Variants in ACACA observed in about 807,000 individuals in gnomAD.
ACACA encodes acetyl-CoA carboxylase alpha.
In ACACA, 103 loss-of-function variants were observed where a neutral mutation model predicts 296.1. The observed-to-expected ratio is 0.35, with a 90% CI of 0.30 to 0.41. The LOEUF is 0.41. ACACA is among the 10% of genes least tolerant of loss of function. The pLI, the probability that ACACA is intolerant of heterozygous loss-of-function variation, is 1.00. For missense variants in ACACA, 1,554 were observed against 2,989.7 expected, an observed-to-expected ratio of 0.52 and a Z score of 11.20; for synonymous variants, 953 against 1,038.6, an observed-to-expected ratio of 0.92 and a Z score of 1.58.
chr17:37,151,004 A>G (rs2076016339), intron 44 of ACACA, among the ~76,000 whole-genome samples: 1 of 151,946 alleles, frequency 6.6e-6, no homozygotes, highest in Admixed American at 6.6e-5. Flanking sequence ...GTGAGCTGAG[A>G]TCGTGCCACT....
intron 3 of ACACA, among the ~76,000 whole-genome samples, chr17:37,313,975 T>C (rs1025730063): frequency 2.0e-5 from 3 of 152,070 alleles, no homozygotes; most frequent in African/African-American, 7.2e-5. Context: ...AACAGATGAA[T>C]GGATAAAAAG....
chr17:37,395,147 T>C (rs941769295), intron 1 of ACACA, among the ~76,000 whole-genome samples: 1 of 152,030 alleles, frequency 6.6e-6, no homozygotes, highest in African/African-American at 2.4e-5. Flanking sequence ...TCTGTCTCTT[T>C]GGCTGGGTGC....
intron 3 of ACACA, among the ~76,000 whole-genome samples, chr17:37,321,057 G>C (rs1017543228): frequency 6.6e-6 from 1 of 151,866 alleles, no homozygotes; most frequent in Non-Finnish European, 1.5e-5. Context: ...CAGAGTATCC[G>C]GCATACAGTA....
intron 1 of ACACA, among the ~76,000 whole-genome samples, chr17:37,390,674 C>T (rs1192904204): frequency 5.3e-5 from 8 of 150,352 alleles, no homozygotes; most frequent in Non-Finnish European, 7.4e-5. Flanking sequence ...GTGCCTGTAG[C>T]CCTAGCTTCT....
rs1393722259 is a variant in ACACA at position 37,260,285 on chromosome 17, TATATA to T, written c.1330-760_1330-756del. ...ATATATATATATATATATATATATA[TATATA>T]TATATATTTTTTTTTTTTTTTTTTT... On this transcript the variant is annotated intron_variant, in intron 11 of 55. Coordinates refer to ENST00000616317, the MANE Select transcript of ACACA (RefSeq NM_198834.3). 4.1e-3 allele frequency among the ~76,000 whole-genome samples: 136 copies of T among 33,002 alleles called. 5 individuals carry two copies. Among genetic ancestry groups the T allele is most frequent in the East Asian group, 0.014 (7 of 498 alleles). The allele number at this position is 33,002 out of a possible 152,430, so 21.7% of individuals were successfully genotyped here. A position where few individuals can be genotyped will look rare whatever the true frequency, so the allele number is the denominator to read the frequency against.
intron 52 of ACACA, among the ~76,000 whole-genome samples, chr17:37,108,677 C>T (rs892195560): frequency 2.0e-5 from 3 of 152,152 alleles, no homozygotes; most frequent in African/African-American, 7.2e-5. Flanking sequence ...CGTGAGCCAC[C>T]GTGCCCGGAG....
At chr17:37,250,764 G>A (rs1052256486) in intron 16 of ACACA, among the ~76,000 whole-genome samples, 5 of 152,196 alleles carry the variant, frequency 3.3e-5, no homozygotes, top group South Asian at 2.1e-4. Flanking sequence ...GGTGGCTCAC[G>A]CCTGTAATCC....
chr17:37,161,206 G>A (rs1482243925), intron 42 of ACACA, among the ~76,000 whole-genome samples: 2 of 152,210 alleles, frequency 1.3e-5, no homozygotes, highest in African/African-American at 4.8e-5. Context: ...GGCACAGTCT[G>A]ATGACATGAG....
chr17:37,392,701 C>T (rs1166708234), intron 1 of ACACA: 2 of 152,056 alleles, frequency 1.3e-5, no homozygotes, highest in Non-Finnish European at 2.9e-5. Context: ...TTCTTTCTTT[C>T]ACTTCAAGTG....
intron 1 of ACACA, among the ~76,000 whole-genome samples, chr17:37,390,827 A>G (rs1253030984): frequency 6.6e-6 from 1 of 152,012 alleles, no homozygotes; most frequent in African/African-American, 2.4e-5. Flanking sequence ...TCTCCTGAAC[A>G]TTGGAAGAAA....
rs572101962 is a variant in ACACA, at chr17:37,259,066, T to C, written c.1500+294A>G. Among the ~76,000 whole-genome samples, 13 of 152,358 alleles carry C rather than the reference T, an allele frequency of 8.5e-5. No individual in the cohort carries two copies. The South Asian group carries it at 2.5e-3, about 29-fold the overall frequency. On this transcript the variant is annotated intron_variant, in intron 12 of 55. Coordinates refer to ENST00000616317, the MANE Select transcript of ACACA (RefSeq NM_198834.3). ...AGTAGGGAATAATTATAATACAAAGTTGTGAAGTTTACTATAGCTAAATAA... is the reference window on the plus strand; with the variant it reads ...AGTAGGGAATAATTATAATACAAAGCTGTGAAGTTTACTATAGCTAAATAA...
intron 25 of ACACA, among the ~76,000 whole-genome samples, chr17:37,229,147 A>C (rs1236260417): frequency 6.6e-6 from 1 of 150,632 alleles, no homozygotes; most frequent in East Asian, 1.9e-4. Context: ...CCGTCTCAAA[A>C]AAAAAAAAAA....
At chr17:37,289,605 A>G in intron 3 of ACACA, 1 of 790,672 alleles carries the variant, frequency 1.3e-6, no homozygotes, top group Admixed American at 1.9e-5. Flanking sequence ...CCATTACCCC[A>G]TATACATTTA....
chr17:37,196,313 A>G (rs2077993819), intron 35 of ACACA, among the ~76,000 whole-genome samples: 2 of 152,056 alleles, frequency 1.3e-5, no homozygotes, highest in Non-Finnish European at 2.9e-5. Context: ...AAGAACTACT[A>G]ATTATGATAA....
intron 11 of ACACA, among the ~76,000 whole-genome samples, chr17:37,260,274 ATATATATATATATATATATATAT>A (rs2081409763): frequency 3.6e-5 from 1 of 27,844 alleles, no homozygotes; most frequent in Admixed American, 5.1e-4. Context: ...ATATATATAT[ATATATATATATATATATATATAT>A]TTTTTTTTTT....
At chr17:37,119,894 T>C (rs2143010673) in intron 50 of ACACA, among the ~76,000 whole-genome samples, 1 of 128,908 alleles carries the variant, frequency 7.8e-6, no homozygotes, top group East Asian at 2.1e-4. Flanking sequence ...TTTCTTTCTT[T>C]CTTTTTTTTT....
In ACACA at chr17:37,398,231, A is replaced by G. The variant is rs555647915; in HGVS notation, c.38+8031T>C. 5.2e-5 allele frequency among the ~76,000 whole-genome samples: 4 copies of G among 76,796 alleles called. No homozygotes were observed. In the South Asian group the frequency reaches 1.7e-3, roughly 34 times the overall value. 50.4% of individuals were successfully genotyped at this position (76,796 alleles called of 152,430 possible). A position where few individuals can be genotyped will look rare whatever the true frequency, so the allele number is the denominator to read the frequency against. ...GGTGACAGAGCGAGACTCTGTCTCAAAAAAAAAAAAAAAACAGTTTGGCCT... is the reference window on the plus strand; with the variant it reads ...GGTGACAGAGCGAGACTCTGTCTCAGAAAAAAAAAAAAAACAGTTTGGCCT... On this transcript the variant is annotated intron_variant, in intron 1 of 55. Coordinates refer to ENST00000616317, the MANE Select transcript of ACACA (RefSeq NM_198834.3).
chr17:37,225,370 G>C (rs1303317475), intron 26 of ACACA: 3 of 430,080 alleles, frequency 7.0e-6, no homozygotes, highest in Non-Finnish European at 1.3e-5. Context: ...AAACAGCTTC[G>C]ATCAAGTTCC....
At chr17:37,142,479 C>T (rs2143858523) in intron 45 of ACACA, among the ~76,000 whole-genome samples, 1 of 152,306 alleles carries the variant, frequency 6.6e-6, no homozygotes, top group Non-Finnish European at 1.5e-5. Flanking sequence ...GGAGATCTGT[C>T]CATTGTGCAA....
Sources: allele counts gnomAD v4.1 joint callset (sites outside exome capture counted in the v4.1 genomes callset), GRCh38; gene constraint gnomAD v4.1.1; transcripts MANE v1.5; gene names NCBI Gene and HGNC (gene_info 2026-07-23, HGNC 2026-07-21).